ROBO1: variants seen among roughly 807,000 people sequenced by gnomAD.
The protein encoded by ROBO1 is roundabout homolog 1.
In ROBO1, 149 loss-of-function variants were observed where a neutral mutation model predicts 195.9. The observed-to-expected ratio is 0.76, with a 90% CI of 0.67 to 0.87. The LOEUF (loss-of-function observed/expected upper bound fraction) is 0.87. Among genes scored for constraint, ROBO1 ranks in the 40% least tolerant of loss-of-function variants. ROBO1 has a pLI of 0.00. For synonymous variants in ROBO1, 816 were observed against 733.2 expected, an observed-to-expected ratio of 1.11 and a Z score of -1.82; for missense variants, 1,933 against 2,068.3, an observed-to-expected ratio of 0.93 and a Z score of 1.27.
At chr3:79,169,672 A>G (rs913884355) in intron 2 of ROBO1, among the ~76,000 whole-genome samples, 1 of 152,192 alleles carries the variant, frequency 6.6e-6, no homozygotes, top group Non-Finnish European at 1.5e-5. Flanking sequence ...GTACTTAACG[A>G]TAAAATAAAA....
At chr3:79,006,265 A>G (rs1233968185) in intron 3 of ROBO1, among the ~76,000 whole-genome samples, 1 of 150,044 alleles carries the variant, frequency 6.7e-6, no homozygotes, top group African/African-American at 2.4e-5. Flanking sequence ...AATAGCTACC[A>G]ATAAAGGAGA....
intron 4 of ROBO1, among the ~76,000 whole-genome samples, chr3:78,933,526 A>G (rs993773902): frequency 6.6e-6 from 1 of 152,092 alleles, no homozygotes; most frequent in African/African-American, 2.4e-5. Context: ...TTTGGATGCA[A>G]CAAGTGGACT....
At chr3:79,042,434 TTA>T (rs2078505624) in intron 3 of ROBO1, among the ~76,000 whole-genome samples, 2 of 152,130 alleles carry the variant, frequency 1.3e-5, no homozygotes, top group South Asian at 4.1e-4. Context: ...CTGACAAAGA[TTA>T]GACCCTGCTT....
intron 2 of ROBO1, among the ~76,000 whole-genome samples, chr3:79,140,333 AAT>A (rs2080498571): frequency 6.6e-6 from 1 of 152,260 alleles, no homozygotes; most frequent in Admixed American, 6.5e-5. Context: ...ACTACAGCTA[AAT>A]ATATGTTATC....
intron 1 of ROBO1, among the ~76,000 whole-genome samples, chr3:79,651,581 G>A (rs979528440): frequency 6.6e-6 from 1 of 152,142 alleles, no homozygotes; most frequent in Middle Eastern, 3.4e-3. Flanking sequence ...AGAACTCAGC[G>A]GTGCATGACG....
intron 2 of ROBO1, among the ~76,000 whole-genome samples, chr3:79,203,572 G>A (rs2081808741): frequency 6.6e-6 from 1 of 152,140 alleles, no homozygotes; most frequent in Non-Finnish European, 1.5e-5. Context: ...GTTCCCAAGT[G>A]AATCTTGGCA....
At chr3:79,389,247 C>CTAA (rs2036862952) in intron 2 of ROBO1, among the ~76,000 whole-genome samples, 1 of 151,756 alleles carries the variant, frequency 6.6e-6, no homozygotes, top group African/African-American at 2.4e-5. Context: ...AATAATATAA[C>CTAA]TATAAAGAAA....
chr3:78,844,306 A>G (rs1378352829), intron 4 of ROBO1, among the ~76,000 whole-genome samples: 3 of 152,142 alleles, frequency 2.0e-5, no homozygotes, highest in South Asian at 2.1e-4. Flanking sequence ...TTTGGACTCA[A>G]TAAAGATTTT....
At chr3:79,100,921 A>G (rs1231524153) in intron 3 of ROBO1, among the ~76,000 whole-genome samples, 1 of 151,844 alleles carries the variant, frequency 6.6e-6, no homozygotes, top group Non-Finnish European at 1.5e-5. Context: ...GATAATCTAT[A>G]ATTTACAGGA....
At chr3:79,401,258 A>ATTAT (rs1432835004) in intron 2 of ROBO1, among the ~76,000 whole-genome samples, 1 of 151,780 alleles carries the variant, frequency 6.6e-6, no homozygotes, top group Admixed American at 6.6e-5. Flanking sequence ...TAGGTAATTC[A>ATTAT]TTATTTATTT....
In ROBO1 at chr3:79,752,747, G is replaced by A. The variant is rs570659838; in HGVS notation, c.-51+15005C>T. On this transcript the variant is annotated intron_variant, in intron 1 of 30. Transcript: ENST00000464233. ...ATTATGGAAAATAGGTAGGGAGTCCGCTACAAAATTCCACACAGGAGATGA... is the reference window on the plus strand; with the variant it reads ...ATTATGGAAAATAGGTAGGGAGTCCACTACAAAATTCCACACAGGAGATGA... Among the ~76,000 whole-genome samples the A allele has an allele frequency of 2.0e-4, 31 of 152,202 alleles. No individual in the cohort carries two copies. The South Asian group carries it at 4.8e-3, about 23-fold the overall frequency.
intron 4 of ROBO1, among the ~76,000 whole-genome samples, chr3:78,842,167 C>A (rs558018602): frequency 1.5e-5 from 2 of 130,998 alleles, no homozygotes; most frequent in Non-Finnish European, 3.1e-5. Context: ...CGCACACACA[C>A]ACGTACTATA....
intron 2 of ROBO1, among the ~76,000 whole-genome samples, chr3:79,479,061 C>T (rs75199255): frequency 1.3e-5 from 2 of 152,202 alleles, no homozygotes; most frequent in Admixed American, 6.5e-5. Context: ...ACTTACACAT[C>T]TGTATTATTC....
chr3:79,316,247 C>T (rs1278328724), intron 2 of ROBO1, among the ~76,000 whole-genome samples: 2 of 151,952 alleles, frequency 1.3e-5, no homozygotes, highest in South Asian at 2.1e-4. Context: ...GGAGGAGGTT[C>T]AAGAATGGAA....
At chr3:78,785,674 A>G (rs35891410) in intron 4 of ROBO1, among the ~76,000 whole-genome samples, 37,837 of 152,040 alleles carry the variant, frequency 0.25, 4,925 homozygotes, top group East Asian at 0.49. Flanking sequence ...CAAGATTCAC[A>G]TGATTCCAAT....
rs577117741 is a variant in ROBO1, at chr3:79,696,958, G to T, written c.-51+70794C>A. ...GAAAAAAATCAGACATAAATATATTGTCTCAAAAAGGATATTGGGTTCATT... is the reference window on the plus strand; with the variant it reads ...GAAAAAAATCAGACATAAATATATTTTCTCAAAAAGGATATTGGGTTCATT... On this transcript the variant is annotated intron_variant, in intron 1 of 30. Coordinates refer to ENST00000464233, the MANE Select transcript of ROBO1 (RefSeq NM_002941.4). Among the ~76,000 whole-genome samples, 4 of 151,546 alleles carry T rather than the reference G, an allele frequency of 2.6e-5. No homozygotes were observed. In the South Asian group the frequency reaches 8.3e-4, roughly 31 times the overall value.
intron 3 of ROBO1, among the ~76,000 whole-genome samples, chr3:79,046,424 G>A (rs914270707): frequency 3.3e-5 from 5 of 151,970 alleles, no homozygotes; most frequent in South Asian, 2.1e-4. Flanking sequence ...CCCAGATTTC[G>A]AAGTGATAGG....
At chr3:79,766,888 G>T (rs1366478033) in intron 1 of ROBO1, among the ~76,000 whole-genome samples, 1 of 152,124 alleles carries the variant, frequency 6.6e-6, no homozygotes, top group Admixed American at 6.5e-5. Flanking sequence ...AGCGCTTCCT[G>T]GTTCGTCCCA....
chr3:79,687,079 T>G lies in ROBO1; in HGVS notation c.-51+80673A>C, dbSNP rs145900602. On this transcript the variant is annotated intron_variant, in intron 1 of 30. Coordinates refer to ENST00000464233, the MANE Select transcript of ROBO1 (RefSeq NM_002941.4). ...ATAATGCCGCTTATCTACAACCGTCTGATCTTTGACAAACCTGAGAAAAAC... is the reference window on the plus strand; with the variant it reads ...ATAATGCCGCTTATCTACAACCGTCGGATCTTTGACAAACCTGAGAAAAAC... 3.9e-5 allele frequency among the ~76,000 whole-genome samples: 6 copies of G among 152,330 alleles called. No homozygotes were observed. In the East Asian group the frequency reaches 1.2e-3, roughly 29 times the overall value.
Sources: allele counts gnomAD v4.1 joint callset (sites outside exome capture counted in the v4.1 genomes callset), GRCh38; gene constraint gnomAD v4.1.1; transcripts MANE v1.5; gene names NCBI Gene and HGNC (gene_info 2026-07-23, HGNC 2026-07-21).